The following ZKSCAN4 variants were observed in gnomAD, a reference collection of about 807,000 sequenced individuals.
The protein encoded by ZKSCAN4 is zinc finger with KRAB and SCAN domains 4, also known as zinc finger protein with KRAB and SCAN domains 4.
A neutral mutation model predicts 30.8 loss-of-function variants in ZKSCAN4; 23 were observed. That is an observed-to-expected ratio of 0.75 (90% CI 0.54 to 1.06). The LOEUF is 1.06. ZKSCAN4 is among the 50% of genes least tolerant of loss of function. The pLI is 0.00. For synonymous variants in ZKSCAN4, 208 were observed against 252.5 expected (o/e 0.82, Z 1.67); for missense variants, 556 against 665.4 (o/e 0.84, Z 1.81).
chr6:28,251,214 T>G lies in ZKSCAN4; in HGVS notation c.423+344A>C, dbSNP rs971753879. Among the ~76,000 whole-genome samples, 2 of 152,184 alleles carry G rather than the reference T, an allele frequency of 1.3e-5. No individual in the cohort carries two copies. The highest frequency in any genetic ancestry group is 2.9e-5 in the Non-Finnish European group (2 of 68,032). On this transcript the variant is annotated intron_variant, in intron 1 of 4. Coordinates refer to ENST00000377294, the MANE Select transcript of ZKSCAN4 (RefSeq NM_019110.5). This position sits in a 1 kb window ranked among gnomAD's most constrained non-coding sequence, Gnocchi z 4.5. Reference sequence around the variant, plus strand: ...ACCACATTACAACCAGGCAAATAGATGCTTATCGCCATTTTGAAATTGCCA... The same window carrying G: ...ACCACATTACAACCAGGCAAATAGAGGCTTATCGCCATTTTGAAATTGCCA...
rs548037855 is a variant in ZKSCAN4 at position 28,243,236 on chromosome 6, A to G, written c.*1880T>C. Among the ~76,000 whole-genome samples the G allele has an allele frequency of 1.1e-4, 16 of 152,366 alleles. No homozygotes were observed. In the East Asian group the frequency reaches 2.9e-3, roughly 28 times the overall value. Reference sequence around the variant, plus strand: ...AGTTTTAAATTAGACTGAAAAGGAGATAATGAAGGCAATAAAAGATTGTAG... The same window carrying G: ...AGTTTTAAATTAGACTGAAAAGGAGGTAATGAAGGCAATAAAAGATTGTAG... On this transcript the variant is annotated 3_prime_UTR_variant, in exon 5 of 5. Transcript: ENST00000377294.
At chr6:28,250,724 T>TGTC (rs1760958180) in intron 1 of ZKSCAN4, among the ~76,000 whole-genome samples, 1 of 152,216 alleles carries the variant, frequency 6.6e-6, no homozygotes, top group African/African-American at 2.4e-5. Flanking sequence ...AATTACAGTT[T>TGTC]TCAAGTTACT....
At chr6:28,252,812 T>C (rs1761066943), upstream of ZKSCAN4, among the ~76,000 whole-genome samples, 1 of 152,130 alleles carries the variant, frequency 6.6e-6, no homozygotes, top group Non-Finnish European at 1.5e-5. Flanking sequence ...CTCACCACTT[T>C]GCACATTCCA....
chr6:28,244,956 G>C lies in ZKSCAN4; in HGVS notation c.*160C>G. The C allele has an allele frequency of 2.2e-6, 2 of 925,908 alleles. No homozygotes were observed. Among genetic ancestry groups the C allele is most frequent in the South Asian group, 2.7e-5 (2 of 74,020 alleles). The allele number at this position is 925,908 out of a possible 1,614,324, so 57.4% of individuals were successfully genotyped here. ...TCTTCCAATCACTTTCTAGAATGTAGAAGATAACTCATCGTCTCAGCCAGA... is the reference window on the plus strand; with the variant it reads ...TCTTCCAATCACTTTCTAGAATGTACAAGATAACTCATCGTCTCAGCCAGA... On this transcript the variant is annotated 3_prime_UTR_variant, in exon 5 of 5. Transcript: ENST00000377294.
intron 2 of ZKSCAN4, among the ~76,000 whole-genome samples, chr6:28,248,562 C>G (rs1760839915): frequency 6.6e-6 from 1 of 152,092 alleles, no homozygotes; most frequent in Non-Finnish European, 1.5e-5. Context: ...GGCACAGTGG[C>G]TCATCCCTGT....
rs781153308 is a variant in ZKSCAN4, at chr6:28,251,472, A to G, written c.423+86T>C. 6.2e-7 allele frequency: 1 copy of G among 1,606,692 alleles called. No individual in the cohort carries two copies. The highest frequency in any genetic ancestry group is 8.5e-7 in the Non-Finnish European group (1 of 1,175,988). ...ACAAAAAGAGATGAAGAACTCCTGG[A>G]CCTTAAAGGAATGCCCCTCGCTCCG... On this transcript the variant is annotated intron_variant, in intron 1 of 4. Transcript: ENST00000377294. The surrounding 1 kb of genome is among the most constrained non-coding windows in gnomAD (Gnocchi z 4.5).
At chr6:28,252,836 G>A (rs1170246178), upstream of ZKSCAN4, among the ~76,000 whole-genome samples, 1 of 152,076 alleles carries the variant, frequency 6.6e-6, no homozygotes, top group African/African-American at 2.4e-5. Context: ...CTGCTTCTCT[G>A]GCAATCAGGC....
At position 28,251,474 on chromosome 6, in the gene ZKSCAN4, C is replaced by G. The variant is rs1324261647; in HGVS notation, c.423+84G>C. 4.4e-6 allele frequency: 7 copies of G among 1,608,238 alleles called. No individual in the cohort carries two copies. The highest frequency in any genetic ancestry group is 1.7e-5 in the Admixed American group (1 of 59,136). On this transcript the variant is annotated intron_variant, in intron 1 of 4. Transcript: ENST00000377294. The surrounding 1 kb of genome is among the most constrained non-coding windows in gnomAD (Gnocchi z 4.5). ...AAAAAGAGATGAAGAACTCCTGGAC[C>G]TTAAAGGAATGCCCCTCGCTCCGAT...
intron 4 of ZKSCAN4, 132 bp downstream of exon 4, chr6:28,246,837 G>A (rs1760754783): frequency 2.7e-6 from 3 of 1,124,852 alleles, no homozygotes; most frequent in Non-Finnish European, 3.7e-6. Flanking sequence ...CTAGTAGTCA[G>A]TAACAGGCTT....
Position 28,246,071 on chromosome 6 carries a change from A to C in ZKSCAN4, c.779-96T>G, listed in dbSNP as rs750636125. On this transcript the variant is annotated intron_variant, in intron 4 of 4. Coordinates refer to ENST00000377294, the MANE Select transcript of ZKSCAN4 (RefSeq NM_019110.5). ...AGGGAGACAAGAATTACAGAAGTCT[A>C]TATATGCCCAGGATGAGGATTTAAG... 2.0e-6 allele frequency: 3 copies of C among 1,505,492 alleles called. No homozygotes were observed. In the African/African-American group the frequency reaches 4.2e-5, roughly 21 times the overall value. The allele number at this position is 1,505,492 out of a possible 1,614,324, so 93.3% of individuals were successfully genotyped here. A position where few individuals can be genotyped will look rare whatever the true frequency, so the allele number is the denominator to read the frequency against.
chr6:28,247,935 A>G, intron 3 of ZKSCAN4, 132 bp downstream of exon 3: 2 of 566,276 alleles, frequency 3.5e-6, no homozygotes, highest in Non-Finnish European at 6.1e-6. Context: ...ACTTTGGGAT[A>G]GATGAGAAAA....
rs912577541 is a variant in ZKSCAN4, at chr6:28,243,598, T to C, written c.*1518A>G. ...CATCACATATCAACACTTTGGATAT[T>C]GTACAATCTTTTTCATCAGATACCT... On this transcript the variant is annotated 3_prime_UTR_variant, in exon 5 of 5. Transcript: ENST00000377294. Among the ~76,000 whole-genome samples, 7 of 152,180 alleles carry C rather than the reference T, an allele frequency of 4.6e-5. No homozygotes were observed. The highest frequency in any genetic ancestry group is 1.7e-4 in the African/African-American group (7 of 41,444).
At position 28,251,862 on chromosome 6, in the gene ZKSCAN4, CTCACCTCCGCCGTCAA is replaced by C; in HGVS notation, c.103_118del (p.Leu35GlufsTer32). 1 of 1,570,304 alleles carries C rather than the reference CTCACCTCCGCCGTCAA, an allele frequency of 6.4e-7. No individual in the cohort carries two copies. Among genetic ancestry groups the C allele is most frequent in the Non-Finnish European group, 8.6e-7 (1 of 1,162,228 alleles). On this transcript the variant is annotated frameshift_variant, in exon 1 of 5. Coordinates refer to ENST00000377294, the MANE Select transcript of ZKSCAN4 (RefSeq NM_019110.5). LOFTEE classifies it high-confidence loss of function. The surrounding 1 kb of genome is among the most constrained non-coding windows in gnomAD (Gnocchi z 4.5). ...GCCCCGAGCAGGGCTGCAGGGTGCT[CTCACCTCCGCCGTCAA>C]GGCGGAGGCTTCCTCCTTCTCCACC...
Position 28,249,823 on chromosome 6 carries a change from A to T in ZKSCAN4, c.435T>A (p.Gly145=). ...AACAGAGCAGTTCTTGCCCCTGGTC[A>T]CCAACGGGAACCTAGAAGTCACGAT... ...LDEPAPQVPV[G]DQGQELLCCK... is the part of the protein sequence containing the mutation. The change falls in exon 2 of 5, where the codon GGT becomes GGA. Residue 145 remains glycine, a synonymous_variant. Coordinates refer to ENST00000377294, the MANE Select transcript of ZKSCAN4 (RefSeq NM_019110.5). This position sits in a 1 kb window ranked among gnomAD's most constrained non-coding sequence, Gnocchi z 4.1. The T allele has an allele frequency of 6.2e-7, 1 of 1,613,762 alleles. No individual in the cohort carries two copies. Among genetic ancestry groups the T allele is most frequent in the Non-Finnish European group, 8.5e-7 (1 of 1,179,922 alleles).
chr6:28,254,977 T>C (rs1007728318), upstream of ZKSCAN4, among the ~76,000 whole-genome samples: 1 of 152,220 alleles, frequency 6.6e-6, no homozygotes, highest in African/African-American at 2.4e-5. Context: ...GGTATCTTGC[T>C]TATAGATCTT....
In ZKSCAN4 at chr6:28,242,531, G is replaced by A. The variant is rs994711159; in HGVS notation, c.*2585C>T. Among the ~76,000 whole-genome samples, 1 of 152,092 alleles carries A rather than the reference G, an allele frequency of 6.6e-6. No homozygotes were observed. Among genetic ancestry groups the A allele is most frequent in the African/African-American group, 2.4e-5 (1 of 41,398 alleles). ...ACAATGTCCCTATCTCTTAAAATTT[G>A]CTTTATTTACTCAATTGGACAAAGT... On this transcript the variant is annotated 3_prime_UTR_variant, in exon 5 of 5. Coordinates refer to ENST00000377294, the MANE Select transcript of ZKSCAN4 (RefSeq NM_019110.5).
chr6:28,259,209 A>G, the ZKSCAN4 span: 2 of 607,590 alleles, frequency 3.3e-6, no homozygotes, highest in South Asian at 2.5e-5. Flanking sequence ...TCACGCAGCC[A>G]AGGCCCGCCC....
In ZKSCAN4 at chr6:28,241,721, T is replaced by C. The variant is rs1186260575; in HGVS notation, c.*3395A>G. On this transcript the variant is annotated 3_prime_UTR_variant, in exon 5 of 5. Transcript: ENST00000377294. ...GTTACAGGACACTTTTAAAATATAG[T>C]CTTTATTATTAAACAATTATAATTC... 2.0e-5 allele frequency among the ~76,000 whole-genome samples: 3 copies of C among 152,166 alleles called. No individual in the cohort carries two copies. The highest frequency in any genetic ancestry group is 2.9e-5 in the Non-Finnish European group (2 of 68,002).
In ZKSCAN4 at chr6:28,245,428, C is replaced by G; in HGVS notation, c.1326G>C (p.Arg442Ser). Residue 442 changes from arginine to serine, a missense_variant, in exon 5 of 5, where the codon AGG becomes AGC. Arg to Ser is a moderately radical substitution (Grantham distance 110). Coordinates refer to ENST00000377294, the MANE Select transcript of ZKSCAN4 (RefSeq NM_019110.5). ...YQCNMCGKAFRRNSHLLRHQR... is the reference protein window; with the variant it reads ...YQCNMCGKAFSRNSHLLRHQR... ...GATGTCTCAGGAGATGTGAATTCCGCCTAAAGGCTTTGCCACACATATTGC... is the reference window on the plus strand; with the variant it reads ...GATGTCTCAGGAGATGTGAATTCCGGCTAAAGGCTTTGCCACACATATTGC... The G allele has an allele frequency of 6.2e-7, 1 of 1,614,204 alleles. No homozygotes were observed. Among genetic ancestry groups the G allele is most frequent in the Non-Finnish European group, 8.5e-7 (1 of 1,180,036 alleles).
Sources: gnomAD v4.1 joint callset for allele counts (sites outside exome capture counted in the v4.1 genomes callset) on GRCh38, gnomAD v4.1.1 for gene constraint, Gnocchi (gnomAD v3.1) non-coding constraint, MANE v1.5 for transcripts, NCBI Gene and HGNC (gene_info 2026-07-23, HGNC 2026-07-21) for gene names.